Variants in PTPN2 observed in about 807,000 individuals in gnomAD.
PTPN2 encodes the protein tyrosine-protein phosphatase non-receptor type 2.
A neutral mutation model predicts 57.3 loss-of-function variants in PTPN2; 19 were observed. The observed-to-expected ratio is 0.33, with a 90% CI of 0.23 to 0.49. PTPN2 has a LOEUF of 0.49. PTPN2 is among the 20% of genes least tolerant of loss of function. The pLI, the probability that PTPN2 is intolerant of heterozygous loss-of-function variation, is 0.99. For synonymous variants in PTPN2, 153 were observed against 164.9 expected (o/e 0.93, Z 0.55); for missense variants, 358 against 501.1 (o/e 0.71, Z 2.73).
chr18:12,852,999 T>C (rs1025792888), intron 2 of PTPN2, among the ~76,000 whole-genome samples: 4 of 152,244 alleles, frequency 2.6e-5, no homozygotes, highest in African/African-American at 9.6e-5. Context: ...TGCACTGTCA[T>C]ATCTTACAAT....
At chr18:12,819,329 G>T (rs2042192038) in intron 5 of PTPN2, 1 of 867,764 alleles carries the variant, frequency 1.2e-6, no homozygotes, top group Non-Finnish European at 1.7e-6. Context: ...AATGATCATG[G>T]TTTCTACGCT....
intron 3 of PTPN2, among the ~76,000 whole-genome samples, chr18:12,835,929 T>A (rs2042848369): frequency 6.6e-6 from 1 of 152,176 alleles, no homozygotes; most frequent in Non-Finnish European, 1.5e-5. Context: ...TTGCAGGAGC[T>A]GTACTACCTC....
In PTPN2 at chr18:12,794,287, A is replaced by G; in HGVS notation, c.1239T>C (p.Asn413=). The change falls in exon 9 of 9, where the codon AAT becomes AAC. Residue 413 remains asparagine, a synonymous_variant. Transcript: ENST00000309660. ...FVGWTLFFQQ[N]AL The stretch of plus-strand genomic sequence containing the variant: ...GGGCAAAATTAATTGTTTATAGGGC[A>G]TTTTGCTGAAAAAACAGTGTCCAGC... 6.2e-7 allele frequency: 1 copy of G among 1,614,202 alleles called. No homozygotes were observed. The highest frequency in any genetic ancestry group is 1.1e-5 in the South Asian group (1 of 91,090).
intron 8 of PTPN2, among the ~76,000 whole-genome samples, chr18:12,794,999 A>G (rs2041118243): frequency 6.6e-6 from 1 of 152,160 alleles, no homozygotes; most frequent in South Asian, 2.1e-4. Context: ...TATATTGATA[A>G]CTGCTTTTAG....
intron 1 of PTPN2, among the ~76,000 whole-genome samples, chr18:12,883,274 A>C (rs1271198812): frequency 6.6e-6 from 1 of 152,116 alleles, no homozygotes; most frequent in Non-Finnish European, 1.5e-5. Flanking sequence ...GGAAAACTAT[A>C]AAGAGAATGA....
chr18:12,799,854 C>G (rs1318079349), intron 8 of PTPN2, among the ~76,000 whole-genome samples: 1 of 152,160 alleles, frequency 6.6e-6, no homozygotes, highest in African/African-American at 2.4e-5. Flanking sequence ...TGGTCTCAAA[C>G]TCCTGACCTC....
At chr18:12,868,195 C>G (rs2044058251) in intron 1 of PTPN2, among the ~76,000 whole-genome samples, 1 of 152,094 alleles carries the variant, frequency 6.6e-6, no homozygotes, top group African/African-American at 2.4e-5. Flanking sequence ...GATTACAAGA[C>G]CTTAATAGTC....
intron 1 of PTPN2, among the ~76,000 whole-genome samples, chr18:12,870,320 T>TGTATATATAC (rs2044163642): frequency 2.3e-5 from 1 of 43,210 alleles, no homozygotes; most frequent in Non-Finnish European, 4.2e-5. Context: ...CATATATATG[T>TGTATATATAC]GTATATATAT....
chr18:12,813,015 A>C (rs2041947215), intron 7 of PTPN2, among the ~76,000 whole-genome samples: 1 of 78,272 alleles, frequency 1.3e-5, no homozygotes, highest in Admixed American at 1.3e-4. Context: ...CTAAAGACAC[A>C]AAACTTAAAA....
chr18:12,832,425 G>T (rs1271915749), intron 3 of PTPN2, among the ~76,000 whole-genome samples: 1 of 152,060 alleles, frequency 6.6e-6, no homozygotes, highest in African/African-American at 2.4e-5. Context: ...CTGACTAAAA[G>T]CATCTTTAGG....
chr18:12,882,933 A>C (rs1413221013), intron 1 of PTPN2, among the ~76,000 whole-genome samples: 2 of 152,276 alleles, frequency 1.3e-5, no homozygotes, highest in African/African-American at 4.8e-5. Context: ...CTTGGGAATA[A>C]TACGACAAGG....
intron 2 of PTPN2, among the ~76,000 whole-genome samples, chr18:12,854,237 G>A (rs138857411): frequency 0.025 from 3,746 of 151,844 alleles, 157 homozygotes; most frequent in African/African-American, 0.085. Context: ...GCATGCACCT[G>A]TAGTCCCAGC....
intron 1 of PTPN2, among the ~76,000 whole-genome samples, chr18:12,868,670 A>C (rs114174995): frequency 0.011 from 1,691 of 149,502 alleles, 23 homozygotes; most frequent in African/African-American, 0.039. Flanking sequence ...GTGGTGGCTC[A>C]CGTTTGTAAT....
chr18:12,837,372 T>C (rs1309349818), intron 2 of PTPN2, among the ~76,000 whole-genome samples: 1 of 152,120 alleles, frequency 6.6e-6, no homozygotes, highest in Non-Finnish European at 1.5e-5. Flanking sequence ...CTGAACTGTG[T>C]TTAGGTTAAA....
intron 1 of PTPN2, among the ~76,000 whole-genome samples, chr18:12,870,335 A>G (rs1477230992): frequency 1.6e-3 from 62 of 39,420 alleles, no homozygotes; most frequent in East Asian, 0.014. Flanking sequence ...ATATATGTAT[A>G]TATATACATA....
chr18:12,884,221 G>A lies in PTPN2; in HGVS notation c.-80C>T. The A allele has an allele frequency of 2.7e-6, 3 of 1,112,556 alleles. No homozygotes were observed. The highest frequency in any genetic ancestry group is 3.6e-6 in the Non-Finnish European group (3 of 830,742). The allele number at this position is 1,112,556 out of a possible 1,614,324, so 68.9% of individuals were successfully genotyped here. ...CCCCGCACGATCCGGGGAGAGCGCTGGCGCTGCGGCGCATGCGCGCTGCGC... is the reference window on the plus strand; with the variant it reads ...CCCCGCACGATCCGGGGAGAGCGCTAGCGCTGCGGCGCATGCGCGCTGCGC... On this transcript the variant is annotated 5_prime_UTR_variant, in exon 1 of 9. Transcript: ENST00000309660.
rs1249657620 is a variant in PTPN2, at chr18:12,817,326, T to C, written c.535A>G (p.Thr179Ala). 1 of 1,613,988 alleles carries C rather than the reference T, an allele frequency of 6.2e-7. No homozygotes were observed. The highest frequency in any genetic ancestry group is 8.5e-7 in the Non-Finnish European group (1 of 1,179,890). ...TRTISHFHYTTWPDFGVPESP... is the reference protein window; with the variant it reads ...TRTISHFHYTAWPDFGVPESP... The stretch of plus-strand genomic sequence containing the variant: ...TCAGGGACTCCAAAATCTGGCCAGG[T>C]AGTATAATGAAAGTGAGATATTGTT... Residue 179 changes from threonine (T) to alanine (A), a missense_variant, in exon 6 of 9, where the codon ACC (threonine) becomes GCC (alanine). Transcript: ENST00000309660.
At chr18:12,836,281 A>AG (rs2042863714) in intron 3 of PTPN2, among the ~76,000 whole-genome samples, 1 of 152,258 alleles carries the variant, frequency 6.6e-6, no homozygotes, top group African/African-American at 2.4e-5. Flanking sequence ...ACTGGGCAGA[A>AG]GGCCACAGGG....
At chr18:12,816,173 G>C (rs924994152) in intron 6 of PTPN2, among the ~76,000 whole-genome samples, 5 of 152,120 alleles carry the variant, frequency 3.3e-5, no homozygotes, top group Non-Finnish European at 2.9e-5. Context: ...AGTTGGGTGT[G>C]GTGGTGCAGG....
Sources: gnomAD v4.1 joint callset for allele counts (sites outside exome capture counted in the v4.1 genomes callset) on GRCh38, gnomAD v4.1.1 for gene constraint, MANE v1.5 for transcripts, NCBI Gene and HGNC (gene_info 2026-07-23, HGNC 2026-07-21) for gene names.